Variants in EGFL6 observed in about 807,000 individuals in gnomAD.
EGFL6 encodes epidermal growth factor-like protein 6.
A neutral mutation model predicts 43.1 loss-of-function variants in EGFL6; 42 were observed. The observed-to-expected ratio is 0.98, with a 90% CI of 0.76 to 1.26. The LOEUF (loss-of-function observed/expected upper bound fraction) is 1.26. Among genes scored for constraint, EGFL6 ranks in the 50% most tolerant of loss-of-function variants. The probability of loss-of-function intolerance (pLI) is 0.00; values close to 1 mark genes in which losing one functional copy is unlikely to be tolerated. For synonymous variants in EGFL6, 164 were observed against 163.2 expected (o/e 1.01, Z -0.04); for missense variants, 429 against 427.8 (o/e 1.00, Z -0.02).
chrX:13,605,579 A>AG (rs1491496837), intron 5 of EGFL6, among the ~76,000 whole-genome samples: 2 of 43,280 alleles, frequency 4.6e-5, no homozygotes, highest in African/African-American at 2.0e-4. Context: ...GCCTTGTCTC[A>AG]AAAAAAAAAA....
intron 10 of EGFL6, among the ~76,000 whole-genome samples, chrX:13,626,134 A>G (rs867155606): frequency 9.0e-6 from 1 of 111,155 alleles, no homozygotes; most frequent in South Asian, 3.8e-4. Flanking sequence ...CTGAAATTCA[A>G]ACTCCACTGG....
At position 13,574,050 on chromosome X, in the gene EGFL6, G is replaced by C. The variant is rs184340855; in HGVS notation, c.74+4115G>C. ...CAGGAAGTTCTGGTAGAGAAGTGGGGAAGTGGGACAGAAAAGGGAAAGAAG... is the reference window on the plus strand; with the variant it reads ...CAGGAAGTTCTGGTAGAGAAGTGGGCAAGTGGGACAGAAAAGGGAAAGAAG... On this transcript the variant is annotated intron_variant, in intron 1 of 11. Coordinates refer to ENST00000361306, the MANE Select transcript of EGFL6 (RefSeq NM_015507.4). Among the ~76,000 whole-genome samples, 6 of 112,161 alleles carry C rather than the reference G, an allele frequency of 5.3e-5. No individual in the cohort carries two copies. The East Asian group carries it at 1.7e-3, about 31-fold the overall frequency.
chrX:13,619,652 C>T (rs1023053705), intron 9 of EGFL6, among the ~76,000 whole-genome samples: 1 of 112,102 alleles, frequency 8.9e-6, no homozygotes, highest in African/African-American at 3.2e-5. Flanking sequence ...TAACAAACAA[C>T]CACAAGCCCT....
intron 3 of EGFL6, among the ~76,000 whole-genome samples, chrX:13,598,952 A>G (rs2146970729): frequency 9.6e-6 from 1 of 104,391 alleles, no homozygotes; most frequent in South Asian, 4.1e-4. Context: ...TCATATATAT[A>G]TATATATTTT....
Position 13,569,896 on chromosome X carries a change from T to A in EGFL6, c.35T>A (p.Leu12Gln), listed in dbSNP as rs2146957759. 1 of 1,212,161 alleles carries A rather than the reference T, an allele frequency of 8.2e-7. No homozygotes were observed. The highest frequency in any genetic ancestry group is 1.7e-5 in the African/African-American group (1 of 58,003). The stretch of plus-strand genomic sequence containing the variant: ...CCCTGGAGCCTTGCGCTCCCGCTGC[T>A]GCTCTCCTGGGTGGCAGGTGGTTTC... The part of the protein sequence containing the change: ...PLPWSLALPL[L>Q]LSWVAGGFGN... The change falls in exon 1 of 12, where the codon CTG (leucine) becomes CAG (glutamine). Residue 12 changes from leucine (L) to glutamine (Q), a missense_variant. Leu to Gln is a moderately radical substitution (Grantham distance 113). Coordinates refer to ENST00000361306, the MANE Select transcript of EGFL6 (RefSeq NM_015507.4).
intron 11 of EGFL6, among the ~76,000 whole-genome samples, chrX:13,631,912 C>A (rs925473378): frequency 1.7e-4 from 19 of 111,494 alleles, no homozygotes; most frequent in African/African-American, 4.9e-4. Flanking sequence ...CACTGTATAT[C>A]CTTAATTTTG....
rs943494439 is a variant in EGFL6, at chrX:13,571,407, G to C, written c.74+1472G>C. Among the ~76,000 whole-genome samples the C allele has an allele frequency of 5.4e-5, 6 of 111,267 alleles. No individual in the cohort carries two copies. The East Asian group carries it at 1.7e-3, about 31-fold the overall frequency. ...AACCAGGTTCTTAGAATGTATGATC[G>C]CAAGTTTCAATTTCCTTTTCATGAT... On this transcript the variant is annotated intron_variant, in intron 1 of 11. Transcript: ENST00000361306.
intron 1 of EGFL6, among the ~76,000 whole-genome samples, chrX:13,578,695 C>T (rs1256839360): frequency 9.1e-5 from 10 of 110,363 alleles, no homozygotes; most frequent in Admixed American, 3.8e-4. Flanking sequence ...AACCAAACAC[C>T]GCATATTCTC....
intron 7 of EGFL6, among the ~76,000 whole-genome samples, chrX:13,615,328 A>G (rs1569208422): frequency 8.9e-6 from 1 of 112,736 alleles, no homozygotes; most frequent in Non-Finnish European, 1.9e-5. Context: ...CTGAAAGCAG[A>G]TGTTTAGGTT....
Position 13,569,737 on chromosome X carries a change from A to G in EGFL6, c.-125A>G. 1.5e-6 allele frequency: 1 copy of G among 664,089 alleles called. No homozygotes were observed. Among genetic ancestry groups the G allele is most frequent in the Non-Finnish European group, 2.3e-6 (1 of 426,537 alleles). The allele number at this position is 664,089 out of a possible 1,213,427, so 54.7% of individuals were successfully genotyped here. A position where few individuals can be genotyped will look rare whatever the true frequency, so the allele number is the denominator to read the frequency against. On this transcript the variant is annotated 5_prime_UTR_variant, in exon 1 of 12. Coordinates refer to ENST00000361306, the MANE Select transcript of EGFL6 (RefSeq NM_015507.4). The stretch of plus-strand genomic sequence containing the variant: ...CCAGACTGCAGGGACAGCACCCGGT[A>G]ACTGCGAGTGGAGCGGAGGACCCGA...
intron 7 of EGFL6, among the ~76,000 whole-genome samples, chrX:13,611,087 T>C (rs1177490949): frequency 9.0e-6 from 1 of 111,067 alleles, no homozygotes; most frequent in Non-Finnish European, 1.9e-5. Flanking sequence ...CTTTTCTCCC[T>C]TCCTGTCTCA....
At chrX:13,597,138 A>T (rs2045602304) in intron 3 of EGFL6, among the ~76,000 whole-genome samples, 1 of 112,260 alleles carries the variant, frequency 8.9e-6, no homozygotes, top group African/African-American at 3.2e-5. Context: ...ACAAATAATG[A>T]TTTGTGTCAA....
At chrX:13,589,734 A>G (rs1458440828) in intron 2 of EGFL6, 66 bp downstream of exon 2, 2 of 929,159 alleles carry the variant, frequency 2.2e-6, no homozygotes, top group Non-Finnish European at 3.0e-6. Flanking sequence ...CTGTCATACC[A>G]TGAACTGCCA....
chrX:13,628,052 TTGA>T (rs2045791075), intron 11 of EGFL6, among the ~76,000 whole-genome samples: 1 of 111,562 alleles, frequency 9.0e-6, no homozygotes, highest in Non-Finnish European at 1.9e-5. Context: ...AGTGGTCAAG[TTGA>T]TACCATGTGA....
rs910489255 is a variant in EGFL6 at position 13,598,142 on chromosome X, G to C, written c.281-1833G>C. 4.5e-5 allele frequency among the ~76,000 whole-genome samples: 5 copies of C among 112,097 alleles called. 1 individual carries two copies. The highest frequency in any genetic ancestry group is 9.4e-5 in the Non-Finnish European group (5 of 53,259). On this transcript the variant is annotated intron_variant, in intron 3 of 11. Coordinates refer to ENST00000361306, the MANE Select transcript of EGFL6 (RefSeq NM_015507.4). ...CAAGAAATGAGTGAGTCACCTCAGA[G>C]TTAGGGCCAAGCTATGGGATATTCC...
chrX:13,602,630 C>A (rs1342866168), intron 4 of EGFL6, among the ~76,000 whole-genome samples: 1 of 111,766 alleles, frequency 8.9e-6, no homozygotes, highest in Non-Finnish European at 1.9e-5. Context: ...ATGCCTCTTT[C>A]ATGCCTGTCT....
chrX:13,600,280 C>CTTTTTTTT (rs1231725425), intron 4 of EGFL6, among the ~76,000 whole-genome samples, 186 bp downstream of exon 4: 55 of 44,267 alleles, frequency 1.2e-3, no homozygotes, highest in South Asian at 2.8e-3. Context: ...TTTCTTTCTT[C>CTTTTTTTT]TTTTTTTTTT....
At chrX:13,592,005 C>G (rs951293198) in intron 2 of EGFL6, among the ~76,000 whole-genome samples, 3 of 111,791 alleles carry the variant, frequency 2.7e-5, no homozygotes, top group Non-Finnish European at 3.8e-5. Context: ...ATTTTAAACA[C>G]AAACTGAATT....
intron 10 of EGFL6, among the ~76,000 whole-genome samples, chrX:13,626,731 T>G (rs2045782499): frequency 8.9e-6 from 1 of 112,479 alleles, no homozygotes; most frequent in Non-Finnish European, 1.9e-5. Flanking sequence ...AAGGATCATT[T>G]AATTAGATTC....
Sources: gnomAD v4.1 joint callset for allele counts (sites outside exome capture counted in the v4.1 genomes callset) on GRCh38, gnomAD v4.1.1 for gene constraint, MANE v1.5 for transcripts, NCBI Gene and HGNC (gene_info 2026-07-23, HGNC 2026-07-21) for gene names.